The following ADAM12 variants were observed in gnomAD, a reference collection of about 807,000 sequenced individuals.
ADAM12 encodes ADAM metallopeptidase domain 12.
In ADAM12, 70 loss-of-function variants were observed where a neutral mutation model predicts 106.4. That is an observed-to-expected ratio of 0.66 (90% CI 0.54 to 0.80). The LOEUF is 0.80. Ranked by LOEUF, ADAM12 falls within the 30% of genes least tolerant of loss-of-function variation. ADAM12 has a pLI of 0.00. For synonymous variants in ADAM12, 420 were observed against 433.5 expected (o/e 0.97, Z 0.39); for missense variants, 1,010 against 1,171.9 (o/e 0.86, Z 2.02).
chr10:126,054,697 T>A (rs2133453476), intron 14 of ADAM12, among the ~76,000 whole-genome samples: 1 of 152,322 alleles, frequency 6.6e-6, no homozygotes, highest in South Asian at 2.1e-4. Flanking sequence ...CTCTCGAGGT[T>A]CTGTCCCCTC....
intron 2 of ADAM12, 60 bp downstream of exon 2, chr10:126,330,352 C>T (rs1854464505): frequency 1.5e-6 from 2 of 1,355,716 alleles, no homozygotes; most frequent in Non-Finnish European, 1.0e-6. Flanking sequence ...AATACCAAAG[C>T]AGCTAATGTG....
intron 4 of ADAM12, among the ~76,000 whole-genome samples, chr10:126,141,346 G>C (rs1956507488): frequency 6.6e-6 from 1 of 152,150 alleles, no homozygotes; most frequent in Admixed American, 6.5e-5. Flanking sequence ...ACAAGACATG[G>C]TCCCACTAGG....
chr10:126,321,559 C>T (rs542776981), intron 2 of ADAM12, among the ~76,000 whole-genome samples: 7 of 152,278 alleles, frequency 4.6e-5, no homozygotes, highest in African/African-American at 1.4e-4. Context: ...CTGCTTTCTC[C>T]TCTTTGTGTG....
At chr10:126,148,408 G>A (rs953538323) in intron 4 of ADAM12, among the ~76,000 whole-genome samples, 1 of 152,236 alleles carries the variant, frequency 6.6e-6, no homozygotes, top group East Asian at 1.9e-4. Context: ...TCCTCACCAC[G>A]AAAAACAATG....
At chr10:126,350,049 A>G (rs1361468802) in intron 1 of ADAM12, among the ~76,000 whole-genome samples, 1 of 152,204 alleles carries the variant, frequency 6.6e-6, no homozygotes, top group Non-Finnish European at 1.5e-5. Flanking sequence ...CACAGCTTCC[A>G]TCTAAGAGAG....
intron 2 of ADAM12, among the ~76,000 whole-genome samples, chr10:126,296,347 C>T (rs1960378829): frequency 6.6e-6 from 1 of 152,166 alleles, no homozygotes; most frequent in African/African-American, 2.4e-5. Flanking sequence ...GTTGTCCAGG[C>T]TGCTCTTGAA....
intron 2 of ADAM12, among the ~76,000 whole-genome samples, chr10:126,323,827 C>T (rs763852266): frequency 2.4e-4 from 37 of 152,200 alleles, no homozygotes; most frequent in Non-Finnish European, 4.9e-4. Context: ...AGCCTCACAG[C>T]TTTCATGCTT....
At chr10:126,198,155 C>G (rs887162825) in intron 3 of ADAM12, among the ~76,000 whole-genome samples, 2 of 152,232 alleles carry the variant, frequency 1.3e-5, no homozygotes, top group Non-Finnish European at 1.5e-5. Context: ...AGTCCACGGC[C>G]CTCCCTGGAA....
At position 126,017,141 on chromosome 10, in the gene ADAM12, G is replaced by A. The variant is rs7900021; in HGVS notation, c.*138C>T. 5.0e-5 allele frequency: 36 copies of A among 723,658 alleles called. No individual in the cohort carries two copies. The African/African-American group carries it at 5.7e-4, about 12-fold the overall frequency. The allele number at this position is 723,658 out of a possible 1,614,324, so 44.8% of individuals were successfully genotyped here. A position where few individuals can be genotyped will look rare whatever the true frequency, so the allele number is the denominator to read the frequency against. ...CACCATAGCACAGCACAGCACTGAC[G>A]GCAGTAGCTCAAAGTTCTTATAGTA... On this transcript the variant is annotated 3_prime_UTR_variant, in exon 23 of 23. Transcript: ENST00000448723.
chr10:126,015,701 C>T lies in ADAM12; in HGVS notation c.*1578G>A, dbSNP rs1041378621. The T allele has an allele frequency of 1.3e-5, 2 of 152,166 alleles. No homozygotes were observed. Among genetic ancestry groups the T allele is most frequent in the African/African-American group, 4.8e-5 (2 of 41,452 alleles). 9.4% of individuals were successfully genotyped at this position (152,166 alleles called of 1,614,324 possible). ...ACCAAGATTCTTGGTACATATTTTTCTGTTTCAAAGCATAGGAAAACTGTT... is the reference window on the plus strand; with the variant it reads ...ACCAAGATTCTTGGTACATATTTTTTTGTTTCAAAGCATAGGAAAACTGTT... On this transcript the variant is annotated 3_prime_UTR_variant, in exon 23 of 23. Transcript: ENST00000448723.
At chr10:126,180,938 A>C (rs1957301671) in intron 3 of ADAM12, among the ~76,000 whole-genome samples, 1 of 152,226 alleles carries the variant, frequency 6.6e-6, no homozygotes, top group South Asian at 2.1e-4. Context: ...TGAAGGAGGA[A>C]AGTTCAGATA....
chr10:126,023,199 A>G (rs1474404387), intron 21 of ADAM12, among the ~76,000 whole-genome samples: 1 of 152,176 alleles, frequency 6.6e-6, no homozygotes, highest in Non-Finnish European at 1.5e-5. Context: ...GCTAAAAACA[A>G]TTGTGGGAAT....
intron 5 of ADAM12, among the ~76,000 whole-genome samples, chr10:126,133,903 A>C (rs1362102183): frequency 6.6e-6 from 1 of 152,122 alleles, no homozygotes; most frequent in Non-Finnish European, 1.5e-5. Flanking sequence ...AACCTCCCTG[A>C]CTACCTGTTG....
intron 3 of ADAM12, among the ~76,000 whole-genome samples, chr10:126,156,308 G>A (rs966935019): frequency 1.3e-5 from 2 of 152,172 alleles, no homozygotes; most frequent in Admixed American, 6.5e-5. Context: ...TGACTTTCTA[G>A]AACTAAGTCA....
Position 126,064,930 on chromosome 10 carries a change from G to T in ADAM12, c.1485C>A (p.Ala495=). The change falls in exon 14 of 23, where the codon GCC becomes GCA. Residue 495 remains alanine, a synonymous_variant. Coordinates refer to ENST00000448723, the MANE Select transcript of ADAM12 (RefSeq NM_001288973.2). This position sits in a 1 kb window ranked among gnomAD's most constrained non-coding sequence, Gnocchi z 4.4. Reference sequence around the variant, plus strand: ...ACACGTTGGCTGGGCAGTGAGGGCTGGCCCCTGTGCAGAACTCTGGGAGGT... The same window carrying T: ...ACACGTTGGCTGGGCAGTGAGGGCTTGCCCCTGTGCAGAACTCTGGGAGGT... ...SCDLPEFCTG[A]SPHCPANVYL... is the part of the protein sequence containing the mutation. The T allele has an allele frequency of 6.2e-7, 1 of 1,613,264 alleles. No individual in the cohort carries two copies. The highest frequency in any genetic ancestry group is 8.5e-7 in the Non-Finnish European group (1 of 1,179,732).
At chr10:126,304,230 A>G (rs1960744375) in intron 2 of ADAM12, among the ~76,000 whole-genome samples, 1 of 151,892 alleles carries the variant, frequency 6.6e-6, no homozygotes, top group Non-Finnish European at 1.5e-5. Flanking sequence ...CTAAGAAACC[A>G]ACATACAGAA....
chr10:126,132,985 C>T (rs917929396), intron 5 of ADAM12, among the ~76,000 whole-genome samples: 2 of 152,106 alleles, frequency 1.3e-5, no homozygotes, highest in Admixed American at 6.5e-5. Context: ...ACCCTATCCC[C>T]ACTCCCTTTT....
chr10:126,018,261 GC>G (rs1386791783), intron 22 of ADAM12, among the ~76,000 whole-genome samples: 2 of 152,236 alleles, frequency 1.3e-5, no homozygotes, highest in South Asian at 2.1e-4. Flanking sequence ...CAGGCTTCCT[GC>G]CAAGAGGGCA....
rs535855212 is a variant in ADAM12 at position 126,086,628 on chromosome 10, G to C, written c.1145+7357C>G. Among the ~76,000 whole-genome samples the C allele has an allele frequency of 1.3e-3, 149 of 112,216 alleles. 1 individual carries two copies. Among genetic ancestry groups the C allele is most frequent in the African/African-American group, 4.9e-3 (139 of 28,268 alleles). 73.6% of individuals were successfully genotyped at this position (112,216 alleles called of 152,430 possible). On this transcript the variant is annotated intron_variant, in intron 11 of 22. Coordinates refer to ENST00000448723, the MANE Select transcript of ADAM12 (RefSeq NM_001288973.2). ...GGATGCAGAGGTTGCAGTGAGCCGAGATGGCCCCAATGGACTCTGCCTCAA... is the reference window on the plus strand; with the variant it reads ...GGATGCAGAGGTTGCAGTGAGCCGACATGGCCCCAATGGACTCTGCCTCAA...
Sources: gnomAD v4.1 joint callset for allele counts (sites outside exome capture counted in the v4.1 genomes callset) on GRCh38, gnomAD v4.1.1 for gene constraint, Gnocchi (gnomAD v3.1) non-coding constraint, MANE v1.5 for transcripts, NCBI Gene and HGNC (gene_info 2026-07-23, HGNC 2026-07-21) for gene names.